The following TRHDE variants were observed in gnomAD, a reference collection of about 807,000 sequenced individuals.
TRHDE encodes the protein thyrotropin releasing hormone degrading enzyme, also known as thyrotropin-releasing hormone-degrading ectoenzyme.
TRHDE carries 72 observed loss-of-function variants against 125.7 expected under a neutral mutation model. The observed-to-expected ratio is 0.57, with a 90% CI of 0.47 to 0.70. The LOEUF (loss-of-function observed/expected upper bound fraction) is 0.70, where lower values mean the gene tolerates loss of function less well. TRHDE is among the 30% of genes least tolerant of loss of function. The pLI, the probability that TRHDE is intolerant of heterozygous loss-of-function variation, is 0.00. For missense variants in TRHDE, 1,110 were observed against 1,327.1 expected (o/e 0.84, Z 2.54); for synonymous variants, 509 against 509.1 (o/e 1.00, Z 0.00).
chr12:72,571,560 G>A (rs1448057042), intron 10 of TRHDE, among the ~76,000 whole-genome samples: 1 of 152,072 alleles, frequency 6.6e-6, no homozygotes, highest in African/African-American at 2.4e-5. Flanking sequence ...CAATTTTTCA[G>A]TTTTAGAAAA....
intron 13 of TRHDE, 68 bp downstream of exon 13, chr12:72,619,106 T>C (rs1872941633): frequency 1.8e-5 from 22 of 1,195,108 alleles, no homozygotes; most frequent in Non-Finnish European, 2.0e-5. Flanking sequence ...TCTACTATTA[T>C]ATATGCAACT....
At chr12:72,234,903 A>C (rs1054090214) in intron 2 of TRHDE, among the ~76,000 whole-genome samples, 1 of 152,188 alleles carries the variant, frequency 6.6e-6, no homozygotes, top group African/African-American at 2.4e-5. Flanking sequence ...TTGCAATGCA[A>C]TAAATAATGT....
chr12:72,457,314 T>C (rs1875904213), intron 3 of TRHDE, among the ~76,000 whole-genome samples: 1 of 152,162 alleles, frequency 6.6e-6, no homozygotes, highest in East Asian at 1.9e-4. Context: ...TCATCATATT[T>C]TCCATTTCTG....
Position 72,273,253 on chromosome 12 carries a change from G to A in TRHDE, c.610G>A (p.Glu204Lys), listed in dbSNP as rs1879328660. Residue 204 changes from glutamate to lysine, a missense_variant, in exon 1 of 19, where the codon GAG becomes AAG. Physicochemically the swap from Glu to Lys is moderately conservative, Grantham distance 56. Coordinates refer to ENST00000261180, the MANE Select transcript of TRHDE (RefSeq NM_013381.3). This position sits in a 1 kb window ranked among gnomAD's most constrained non-coding sequence, Gnocchi z 5.3. Reference protein sequence around the residue: ...HYNLMLTAFMENFTFSGEVNV... With the variant: ...HYNLMLTAFMKNFTFSGEVNV... The stretch of plus-strand genomic sequence containing the variant: ...CAATCTGATGCTCACCGCCTTCATG[G>A]AGAACTTCACCTTCTCCGGGGAGGT... 6 of 1,613,928 alleles carry A rather than the reference G, an allele frequency of 3.7e-6. No individual in the cohort carries two copies. The highest frequency in any genetic ancestry group is 5.1e-6 in the Non-Finnish European group (6 of 1,180,026).
chr12:72,169,355 C>T (rs1039653335), intron 2 of TRHDE, among the ~76,000 whole-genome samples: 1 of 152,066 alleles, frequency 6.6e-6, no homozygotes, highest in African/African-American at 2.4e-5. Flanking sequence ...GTTAGTCTGC[C>T]TAGACTGCCA....
chr12:72,411,800 G>C (rs1873522877), intron 3 of TRHDE, among the ~76,000 whole-genome samples: 1 of 152,116 alleles, frequency 6.6e-6, no homozygotes, highest in Non-Finnish European at 1.5e-5. Flanking sequence ...GAAAAGAACA[G>C]AGTAGAAAGC....
intron 7 of TRHDE, among the ~76,000 whole-genome samples, chr12:72,555,485 C>T (rs1311321441): frequency 6.6e-6 from 1 of 151,960 alleles, no homozygotes; most frequent in Non-Finnish European, 1.5e-5. Context: ...AATAATTATA[C>T]CTTTTCATCT....
At chr12:72,500,421 C>T (rs938771928) in intron 6 of TRHDE, among the ~76,000 whole-genome samples, 3 of 151,976 alleles carry the variant, frequency 2.0e-5, no homozygotes, top group African/African-American at 4.8e-5. Flanking sequence ...GAGATGGAGT[C>T]TCACTCTGTC....
chr12:72,182,765 T>C (rs1357632008), intron 2 of TRHDE, among the ~76,000 whole-genome samples: 4 of 152,200 alleles, frequency 2.6e-5, no homozygotes. Flanking sequence ...ACCAGTCAGA[T>C]AGATCCTGTT....
chr12:72,652,998 A>G lies in TRHDE; in HGVS notation c.2844-18A>G, dbSNP rs765242662. On this transcript the variant is annotated intron_variant, in intron 16 of 18. Coordinates refer to ENST00000261180, the MANE Select transcript of TRHDE (RefSeq NM_013381.3). ...AAGTTATTGGACTAAAAATTTTTAC[A>G]AAATTCTATCTTTGAAGGCTTCTAA... 7 of 1,581,752 alleles carry G rather than the reference A, an allele frequency of 4.4e-6. No homozygotes were observed. In the African/African-American group the frequency reaches 9.6e-5, roughly 22 times the overall value.
At chr12:72,220,757 G>C (rs2139367774) in intron 2 of TRHDE, among the ~76,000 whole-genome samples, 1 of 152,164 alleles carries the variant, frequency 6.6e-6, no homozygotes, top group East Asian at 1.9e-4. Flanking sequence ...TTATGCATGT[G>C]ACATCTTTTT....
At chr12:72,415,665 T>A (rs919310034) in intron 3 of TRHDE, among the ~76,000 whole-genome samples, 3 of 152,016 alleles carry the variant, frequency 2.0e-5, no homozygotes, top group African/African-American at 7.2e-5. Flanking sequence ...GCCTGACTTA[T>A]TTCACTTAAC....
chr12:72,107,671 T>G (rs747659792), intron 2 of TRHDE, among the ~76,000 whole-genome samples: 10 of 152,100 alleles, frequency 6.6e-5, no homozygotes, highest in Non-Finnish European at 1.3e-4. Flanking sequence ...AGACACAGAA[T>G]TTTCAGCCTT....
rs1460766683 is a variant in TRHDE, at chr12:72,665,607, T to G, written c.*2412T>G. 1 of 152,174 alleles carries G rather than the reference T, an allele frequency of 6.6e-6. No homozygotes were observed. Among genetic ancestry groups the G allele is most frequent in the Non-Finnish European group, 1.5e-5 (1 of 67,976 alleles). 9.4% of individuals were successfully genotyped at this position (152,174 alleles called of 1,614,324 possible). A position where few individuals can be genotyped will look rare whatever the true frequency, so the allele number is the denominator to read the frequency against. On this transcript the variant is annotated 3_prime_UTR_variant, in exon 19 of 19. Coordinates refer to ENST00000261180, the MANE Select transcript of TRHDE (RefSeq NM_013381.3). Reference sequence around the variant, plus strand: ...ACCAATGATATCTCTTGGAATAATCTGTAAAACGTAGTTATAAAATTCTAT... The same window carrying G: ...ACCAATGATATCTCTTGGAATAATCGGTAAAACGTAGTTATAAAATTCTAT...
intron 5 of TRHDE, among the ~76,000 whole-genome samples, chr12:72,481,748 G>A (rs963346927): frequency 6.6e-6 from 1 of 151,812 alleles, no homozygotes; most frequent in Non-Finnish European, 1.5e-5. Context: ...TTTGAAAATT[G>A]TTATGTCTTT....
intron 12 of TRHDE, among the ~76,000 whole-genome samples, chr12:72,609,403 A>G (rs1400594483): frequency 6.6e-6 from 1 of 152,232 alleles, no homozygotes; most frequent in Non-Finnish European, 1.5e-5. Flanking sequence ...TTTGAATAAC[A>G]TGCAAAAAAT....
chr12:72,174,903 A>G (rs573295124), intron 2 of TRHDE, among the ~76,000 whole-genome samples: 1 of 152,322 alleles, frequency 6.6e-6, no homozygotes, highest in East Asian at 1.9e-4. Flanking sequence ...CTATATTGTC[A>G]AAGTAAATAT....
chr12:72,397,366 C>A (rs1299356933), intron 3 of TRHDE, among the ~76,000 whole-genome samples: 1 of 152,192 alleles, frequency 6.6e-6, no homozygotes, highest in East Asian at 1.9e-4. Context: ...ACTCTTCTTA[C>A]TTGAACTTTT....
intron 3 of TRHDE, among the ~76,000 whole-genome samples, chr12:72,428,165 C>A (rs776937610): frequency 6.6e-6 from 1 of 151,972 alleles, no homozygotes; most frequent in Non-Finnish European, 1.5e-5. Context: ...TTGTGTTATA[C>A]CCTTATAAAA....
Sources: gnomAD v4.1 joint callset for allele counts (sites outside exome capture counted in the v4.1 genomes callset) on GRCh38, gnomAD v4.1.1 for gene constraint, Gnocchi (gnomAD v3.1) non-coding constraint, MANE v1.5 for transcripts, NCBI Gene and HGNC (gene_info 2026-07-23, HGNC 2026-07-21) for gene names.